The following IL36B variants were observed in gnomAD, a reference collection of about 807,000 sequenced individuals.
IL36B encodes interleukin 36 beta, also known as interleukin-36 beta.
A neutral mutation model predicts 19.3 loss-of-function variants in IL36B; 23 were observed. The ratio of observed to expected loss-of-function variants is 1.19; its 90% CI spans 0.86 to 1.69. IL36B has a LOEUF of 1.69. IL36B is among the 40% of genes most tolerant of loss of function. IL36B has a pLI of 0.00. For synonymous variants in IL36B, 59 were observed against 59.7 expected, an observed-to-expected ratio of 0.99 and a Z score of 0.05; for missense variants, 217 against 200.5, an observed-to-expected ratio of 1.08 and a Z score of -0.50.
intron 2 of IL36B, 91 bp from the exon 3 acceptor site, chr2:113,031,246 T>C: frequency 1.2e-6 from 1 of 834,814 alleles, no homozygotes; most frequent in Non-Finnish European, 2.1e-6. Context: ...TTTGAGTTTC[T>C]GGAGAGAGTC....
chr2:113,044,089 A>C (rs1685304997), intron 1 of IL36B, among the ~76,000 whole-genome samples: 1 of 152,084 alleles, frequency 6.6e-6, no homozygotes, highest in Non-Finnish European at 1.5e-5. Flanking sequence ...GAATCCTCTG[A>C]CCCTTGAGGA....
chr2:113,045,559 C>T (rs1181432465), intron 1 of IL36B, among the ~76,000 whole-genome samples: 1 of 152,256 alleles, frequency 6.6e-6, no homozygotes, highest in South Asian at 2.1e-4. Flanking sequence ...AATCTTTGTT[C>T]CCACCATCCT....
intron 1 of IL36B, among the ~76,000 whole-genome samples, chr2:113,035,141 C>T (rs2105047880): frequency 6.6e-6 from 1 of 152,250 alleles, no homozygotes; most frequent in South Asian, 2.1e-4. Flanking sequence ...CAGTGGTTGG[C>T]AGAAGGGTTG....
intron 4 of IL36B, 66 bp from the exon 5 acceptor site, chr2:113,028,181 T>A: frequency 7.7e-7 from 1 of 1,305,866 alleles, no homozygotes; most frequent in Non-Finnish European, 1.1e-6. Flanking sequence ...AACTCAGCTC[T>A]GAGTGTGTAA....
At chr2:113,050,384 G>A (rs1281382713) in intron 1 of IL36B, among the ~76,000 whole-genome samples, 1 of 152,056 alleles carries the variant, frequency 6.6e-6, no homozygotes, top group Non-Finnish European at 1.5e-5. Flanking sequence ...CGTATATGAG[G>A]CGCCTAAAGC....
Position 113,052,865 on chromosome 2 carries a change from G to GT in IL36B, c.-107dup, listed in dbSNP as rs1685472111. The GT allele has an allele frequency of 6.6e-6, 1 of 152,252 alleles. No homozygotes were observed. Among genetic ancestry groups the GT allele is most frequent in the Non-Finnish European group, 1.5e-5 (1 of 68,062 alleles). 9.4% of individuals were successfully genotyped at this position (152,252 alleles called of 1,614,324 possible). A position where few individuals can be genotyped will look rare whatever the true frequency, so the allele number is the denominator to read the frequency against. The stretch of plus-strand genomic sequence containing the variant: ...AGAAAGACAGAGTGGGGAGGAACCC[G>GT]TGTCTGTGGGTTTGTGCTAGATGCC... On this transcript the variant is annotated 5_prime_UTR_variant, in exon 1 of 6. Coordinates refer to ENST00000259213, the MANE Select transcript of IL36B (RefSeq NM_014438.5).
intron 1 of IL36B, among the ~76,000 whole-genome samples, chr2:113,038,012 C>A (rs1285392774): frequency 6.6e-6 from 1 of 152,120 alleles, no homozygotes; most frequent in Non-Finnish European, 1.5e-5. Context: ...GAGTTTTTGA[C>A]GAGCATTTGA....
chr2:113,045,206 C>T (rs1311694716), intron 1 of IL36B, among the ~76,000 whole-genome samples: 1 of 151,992 alleles, frequency 6.6e-6, no homozygotes, highest in African/African-American at 2.4e-5. Context: ...ACATTTATTT[C>T]ATCTTAATTT....
intron 5 of IL36B, chr2:113,022,862 G>T: frequency 1.2e-6 from 1 of 854,442 alleles, no homozygotes; most frequent in Non-Finnish European, 1.9e-6. Flanking sequence ...TAAAAGGGCA[G>T]ATTCTACACG....
intron 3 of IL36B, 37 bp from the exon 4 acceptor site, chr2:113,029,115 T>G: frequency 6.3e-7 from 1 of 1,597,802 alleles, no homozygotes; most frequent in Non-Finnish European, 8.5e-7. Flanking sequence ...GATGTTTCAG[T>G]CTTTCTGGTC....
intron 1 of IL36B, among the ~76,000 whole-genome samples, chr2:113,048,514 A>G (rs1685386404): frequency 6.6e-6 from 1 of 152,234 alleles, no homozygotes; most frequent in Non-Finnish European, 1.5e-5. Context: ...GCTTGGAAAA[A>G]TAGCATAAAT....
chr2:113,029,485 T>A (rs1466800463), intron 3 of IL36B, among the ~76,000 whole-genome samples: 1 of 152,162 alleles, frequency 6.6e-6, no homozygotes. Context: ...AAATCAGGCA[T>A]GTTTTGCACG....
intron 1 of IL36B, 78 bp from the exon 2 acceptor site, chr2:113,031,844 C>T: frequency 1.4e-6 from 1 of 722,008 alleles, no homozygotes; most frequent in East Asian, 2.7e-5. Flanking sequence ...TAAAATTTTA[C>T]TGTAAAAATT....
At chr2:113,034,050 A>C (rs1376812041) in intron 1 of IL36B, among the ~76,000 whole-genome samples, 4 of 152,168 alleles carry the variant, frequency 2.6e-5, no homozygotes, top group Non-Finnish European at 5.9e-5. Flanking sequence ...CCAGAATCAA[A>C]GATGTAAATA....
At chr2:113,047,646 A>T (rs1212860060) in intron 1 of IL36B, among the ~76,000 whole-genome samples, 1 of 152,208 alleles carries the variant, frequency 6.6e-6, no homozygotes, top group Non-Finnish European at 1.5e-5. Flanking sequence ...AAGGTTTTCC[A>T]GGCCAGACAG....
intron 1 of IL36B, among the ~76,000 whole-genome samples, chr2:113,043,334 C>A (rs749881109): frequency 6.6e-5 from 10 of 152,122 alleles, no homozygotes; most frequent in Non-Finnish European, 1.3e-4. Flanking sequence ...TAATTTCTCA[C>A]TGTATCTAAG....
At chr2:113,044,967 C>T (rs952225053) in intron 1 of IL36B, among the ~76,000 whole-genome samples, 3 of 151,992 alleles carry the variant, frequency 2.0e-5, no homozygotes, top group Admixed American at 1.3e-4. Context: ...TCATTTCTCC[C>T]CTCCTAAACC....
chr2:113,028,846 G>T, intron 4 of IL36B, 93 bp downstream of exon 4: 1 of 1,354,978 alleles, frequency 7.4e-7, no homozygotes. Flanking sequence ...ATAGTCCAGG[G>T]TTGCAAGCAT....
rs1314790998 is a variant in IL36B, at chr2:113,048,899, G to A, written c.-58+3918C>T. Among the ~76,000 whole-genome samples, 6 of 152,254 alleles carry A rather than the reference G, an allele frequency of 3.9e-5. No individual in the cohort carries two copies. The East Asian group carries it at 1.2e-3, about 29-fold the overall frequency. ...CAAACTACTAAAACCCACAGAAGAA[G>A]TAAGTAACCTGAGTAATCCCATTTC... On this transcript the variant is annotated intron_variant, in intron 1 of 5. Transcript: ENST00000259213.
Sources: gnomAD v4.1 joint callset for allele counts (sites outside exome capture counted in the v4.1 genomes callset) on GRCh38, gnomAD v4.1.1 for gene constraint, MANE v1.5 for transcripts, NCBI Gene and HGNC (gene_info 2026-07-23, HGNC 2026-07-21) for gene names.